The following MCTP2 variants were observed in gnomAD, a reference collection of about 807,000 sequenced individuals.
The protein encoded by MCTP2 is multiple C2 and transmembrane domain containing 2.
MCTP2 carries 132 observed loss-of-function variants against 111.6 expected under a neutral mutation model. The observed-to-expected ratio is 1.18, with a 90% confidence interval of 1.03 to 1.37. The LOEUF (loss-of-function observed/expected upper bound fraction) is 1.37. Among genes scored for constraint, MCTP2 ranks in the 40% most tolerant of loss-of-function variants. The pLI is 0.00. For synonymous variants in MCTP2, 395 were observed against 387.7 expected, an observed-to-expected ratio of 1.02 and a Z score of -0.22; for missense variants, 1,183 against 1,067.9, an observed-to-expected ratio of 1.11 and a Z score of -1.50.
chr15:94,260,345 A>T (rs1004796749), intron 1 of MCTP2, among the ~76,000 whole-genome samples: 1 of 152,130 alleles, frequency 6.6e-6, no homozygotes, highest in African/African-American at 2.4e-5. Flanking sequence ...TTTCTTGTTC[A>T]GCTTTGGCAT....
intron 19 of MCTP2, among the ~76,000 whole-genome samples, chr15:94,451,952 C>T (rs907183136): frequency 2.6e-5 from 4 of 152,192 alleles, no homozygotes; most frequent in African/African-American, 9.7e-5. Flanking sequence ...AGGTACTTTA[C>T]ATATGTGATA....
At chr15:94,372,457 A>G (rs2079538403) in intron 12 of MCTP2, among the ~76,000 whole-genome samples, 1 of 152,212 alleles carries the variant, frequency 6.6e-6, no homozygotes, top group Admixed American at 6.5e-5. Flanking sequence ...TTTCTATGTG[A>G]AAAAAGAAAT....
At chr15:94,271,635 A>G (rs1171697641) in intron 1 of MCTP2, among the ~76,000 whole-genome samples, 1 of 152,202 alleles carries the variant, frequency 6.6e-6, no homozygotes, top group African/African-American at 2.4e-5. Context: ...CAAGAGAAAG[A>G]TAAATGGTAT....
At position 94,342,901 on chromosome 15, in the gene MCTP2, T is replaced by C. The variant is rs2077734838; in HGVS notation, c.969+1977T>C. 2.0e-5 allele frequency: 3 copies of C among 148,042 alleles called. No individual in the cohort carries two copies. In the Admixed American group the frequency reaches 2.1e-4, roughly 10 times the overall value. 9.2% of individuals were successfully genotyped at this position (148,042 alleles called of 1,614,324 possible). On this transcript the variant is annotated intron_variant, in intron 7 of 22. Transcript: ENST00000357742. ...CTATCTTTGTGAATTTTTATATCCA[T>C]ATTTATGTATATGGAGATATATATG...
Position 94,244,934 on chromosome 15 carries a change from A to G in MCTP2, c.-66+13270A>G, listed in dbSNP as rs1253865561. Among the ~76,000 whole-genome samples, 2 of 139,544 alleles carry G rather than the reference A, an allele frequency of 1.4e-5. 1 individual carries two copies. The highest frequency in any genetic ancestry group is 5.6e-5 in the African/African-American group (2 of 36,030). The allele number at this position is 139,544 out of a possible 152,430, so 91.5% of individuals were successfully genotyped here. A position where few individuals can be genotyped will look rare whatever the true frequency, so the allele number is the denominator to read the frequency against. On this transcript the variant is annotated intron_variant, in intron 1 of 22. Coordinates refer to ENST00000357742, the MANE Select transcript of MCTP2 (RefSeq NM_001385001.1). ...CCTATGTTTATATACGTATATGTAT[A>G]CACATACATATGCACCTGTTTATAT...
chr15:94,482,632 AAC>A lies in MCTP2; in HGVS notation c.*3603_*3604del, dbSNP rs2074783329. 6.6e-6 allele frequency: 1 copy of A among 152,256 alleles called. No individual in the cohort carries two copies. Among genetic ancestry groups the A allele is most frequent in the Non-Finnish European group, 1.5e-5 (1 of 68,046 alleles). 9.4% of individuals were successfully genotyped at this position (152,256 alleles called of 1,614,324 possible). A position where few individuals can be genotyped will look rare whatever the true frequency, so the allele number is the denominator to read the frequency against. ...TGGAATATATAGTTCTCAGAGAAGT[AAC>A]ACACTGTACTTGAGATGTACACAAG... is the stretch of plus-strand genomic sequence containing the variant. On this transcript the variant is annotated 3_prime_UTR_variant, in exon 23 of 23. Transcript: ENST00000357742.
At chr15:94,364,187 G>GTT (rs34787892) in intron 10 of MCTP2, among the ~76,000 whole-genome samples, 5 of 151,278 alleles carry the variant, frequency 3.3e-5, no homozygotes, top group Non-Finnish European at 7.4e-5. Context: ...GTAAATAAAG[G>GTT]TTTTTTTTGG....
chr15:94,449,398 G>C (rs2084308640), intron 19 of MCTP2, among the ~76,000 whole-genome samples: 1 of 152,208 alleles, frequency 6.6e-6, no homozygotes, highest in African/African-American at 2.4e-5. Flanking sequence ...TCTCAGCCAG[G>C]ATAGTGGCAA....
chr15:94,367,107 A>G (rs2079221893), intron 10 of MCTP2, among the ~76,000 whole-genome samples: 1 of 152,174 alleles, frequency 6.6e-6, no homozygotes, highest in African/African-American at 2.4e-5. Context: ...TAAAATAAAA[A>G]TTCGCCAGTT....
chr15:94,305,200 T>C (rs780324227), intron 2 of MCTP2, among the ~76,000 whole-genome samples: 1 of 152,172 alleles, frequency 6.6e-6, no homozygotes, highest in African/African-American at 2.4e-5. Flanking sequence ...GGTGTCCTTA[T>C]ACAAGAGAAA....
At chr15:94,439,123 A>G (rs2083637833) in intron 17 of MCTP2, among the ~76,000 whole-genome samples, 1 of 152,232 alleles carries the variant, frequency 6.6e-6, no homozygotes, top group African/African-American at 2.4e-5. Context: ...AATAATGACA[A>G]GTTTGAAAAA....
chr15:94,296,282 T>A (rs1263161702), intron 1 of MCTP2, among the ~76,000 whole-genome samples: 1 of 152,248 alleles, frequency 6.6e-6, no homozygotes, highest in Non-Finnish European at 1.5e-5. Context: ...ATTGCTAACG[T>A]GAAATTCAAG....
intron 1 of MCTP2, among the ~76,000 whole-genome samples, chr15:94,270,189 C>T (rs546217351): frequency 6.6e-6 from 1 of 152,182 alleles, no homozygotes; most frequent in East Asian, 1.9e-4. Flanking sequence ...CAGAACAGAC[C>T]CATATGTCAA....
intron 8 of MCTP2, among the ~76,000 whole-genome samples, chr15:94,346,041 C>T (rs1488111095): frequency 4.6e-5 from 7 of 151,834 alleles, no homozygotes; most frequent in Non-Finnish European, 8.8e-5. Context: ...TGTCACTGTA[C>T]CTCAGTTACT....
chr15:94,430,760 AAAATAAAAAAAT>A lies in MCTP2; in HGVS notation c.2086-9412_2086-9401del, dbSNP rs893754985. On this transcript the variant is annotated intron_variant, in intron 17 of 22. Coordinates refer to ENST00000357742, the MANE Select transcript of MCTP2 (RefSeq NM_001385001.1). The stretch of plus-strand genomic sequence containing the variant: ...GAGTGAGACTACGTCTCAAAAATAA[AAAATAAAAAAAT>A]AAACAAAACACTGGAAGAAGGCATA... Among the ~76,000 whole-genome samples the A allele has an allele frequency of 3.5e-4, 53 of 151,618 alleles. 1 individual carries two copies. Among genetic ancestry groups the A allele is most frequent in the African/African-American group, 1.2e-3 (50 of 41,016 alleles).
At chr15:94,269,737 T>C (rs917183726) in intron 1 of MCTP2, among the ~76,000 whole-genome samples, 1 of 152,208 alleles carries the variant, frequency 6.6e-6, no homozygotes, top group African/African-American at 2.4e-5. Flanking sequence ...GAGCCTATTA[T>C]ATTCCCGAGT....
chr15:94,271,219 C>T (rs959373566), intron 1 of MCTP2, among the ~76,000 whole-genome samples: 2 of 152,112 alleles, frequency 1.3e-5, no homozygotes, highest in African/African-American at 4.8e-5. Context: ...ACAGGAAACT[C>T]CCCATCTAAA....
chr15:94,317,760 C>T (rs531743128), intron 4 of MCTP2, among the ~76,000 whole-genome samples: 1 of 152,320 alleles, frequency 6.6e-6, no homozygotes, highest in African/African-American at 2.4e-5. Flanking sequence ...TTTCATCTTT[C>T]AGAACTGTAT....
At chr15:94,292,109 G>C (rs1047666800) in intron 1 of MCTP2, among the ~76,000 whole-genome samples, 2 of 152,158 alleles carry the variant, frequency 1.3e-5, no homozygotes, top group African/African-American at 4.8e-5. Flanking sequence ...GAGTAGAAAT[G>C]TATGATACTG....
Sources: allele counts gnomAD v4.1 joint callset (sites outside exome capture counted in the v4.1 genomes callset), GRCh38; gene constraint gnomAD v4.1.1; transcripts MANE v1.5; gene names NCBI Gene and HGNC (gene_info 2026-07-23, HGNC 2026-07-21).